TSPAN11: variants seen among roughly 807,000 people sequenced by gnomAD.
TSPAN11 encodes the protein tetraspanin 11.
TSPAN11 carries 29 observed loss-of-function variants against 32.9 expected under a neutral mutation model. That is an observed-to-expected ratio of 0.88 (90% CI 0.66 to 1.20). TSPAN11 has a LOEUF of 1.20. Ranked by LOEUF, TSPAN11 falls within the 50% of genes most tolerant of loss-of-function variation. The probability of loss-of-function intolerance (pLI) is 0.00; values close to 1 mark genes in which losing one functional copy is unlikely to be tolerated. For synonymous variants in TSPAN11, 140 were observed against 141.3 expected (o/e 0.99, Z 0.07); for missense variants, 283 against 329.1 (o/e 0.86, Z 1.08).
chr12:31,015,125 C>T, the TSPAN11 span, among the ~76,000 whole-genome samples: 22 of 152,308 alleles, frequency 1.4e-4, no homozygotes, highest in Admixed American at 1.3e-3. This position sits in a 1 kb window ranked among gnomAD's most constrained non-coding sequence, Gnocchi z 4.9. Context: ...CTGTGCCATC[C>T]ATGTTCATCA....
At chr12:30,999,549 T>C (rs1939458666), downstream of TSPAN11, among the ~76,000 whole-genome samples, 1 of 150,970 alleles carries the variant, frequency 6.6e-6, no homozygotes, top group African/African-American at 2.4e-5. Flanking sequence ...GAATGTCTCA[T>C]GTAATTTATT....
chr12:30,941,604 C>G (rs1938165603), intron 1 of TSPAN11, among the ~76,000 whole-genome samples: 3 of 152,178 alleles, frequency 2.0e-5, no homozygotes, highest in Admixed American at 1.3e-4. Context: ...CCTAGCCCCC[C>G]TTAAGTTACA....
intron 7 of TSPAN11, among the ~76,000 whole-genome samples, chr12:30,989,885 ACACAGGCAG>A: frequency 6.6e-6 from 1 of 152,174 alleles, no homozygotes; most frequent in Non-Finnish European, 1.5e-5. Flanking sequence ...CAAGTGTCAC[ACACAGGCAG>A]CTGCCAGAAG....
chr12:30,986,089 T>C (rs898584487), intron 7 of TSPAN11, among the ~76,000 whole-genome samples: 2 of 152,150 alleles, frequency 1.3e-5, no homozygotes, highest in Non-Finnish European at 2.9e-5. Flanking sequence ...CATACCAGTC[T>C]CTTCCCCAGG....
At chr12:30,974,786 G>A (rs145970600) in intron 3 of TSPAN11, among the ~76,000 whole-genome samples, 82 of 152,322 alleles carry the variant, frequency 5.4e-4, no homozygotes, top group African/African-American at 1.7e-3. Flanking sequence ...TCACTCATCC[G>A]GTGATGACCT....
At position 30,995,980 on chromosome 12, in the gene TSPAN11, T is replaced by C. The variant is rs1176048717; in HGVS notation, c.*4065T>C. ...TACATGTCACAACGCTCAGGGTCCA[T>C]GAGTACCTCAGGCTGTCCAGCTGAG... On this transcript the variant is annotated 3_prime_UTR_variant, in exon 8 of 8. Coordinates refer to ENST00000546076, the MANE Select transcript of TSPAN11 (RefSeq NM_001370302.1). 1 of 152,258 alleles carries C rather than the reference T, an allele frequency of 6.6e-6. No individual in the cohort carries two copies. The highest frequency in any genetic ancestry group is 1.5e-5 in the Non-Finnish European group (1 of 68,068). 9.4% of individuals were successfully genotyped at this position (152,258 alleles called of 1,614,324 possible). A position where few individuals can be genotyped will look rare whatever the true frequency, so the allele number is the denominator to read the frequency against.
chr12:30,939,936 A>G (rs980137551), intron 1 of TSPAN11, among the ~76,000 whole-genome samples: 4 of 152,220 alleles, frequency 2.6e-5, no homozygotes, highest in Non-Finnish European at 4.4e-5. Flanking sequence ...TACAATGGAC[A>G]TAGGTCTGTA....
Position 30,995,642 on chromosome 12 carries a change from A to C in TSPAN11, c.*3727A>C, listed in dbSNP as rs923553267. 4 of 152,034 alleles carry C rather than the reference A, an allele frequency of 2.6e-5. No homozygotes were observed. Among genetic ancestry groups the C allele is most frequent in the Non-Finnish European group, 5.9e-5 (4 of 68,028 alleles). The allele number at this position is 152,034 out of a possible 1,614,324, so 9.4% of individuals were successfully genotyped here. A position where few individuals can be genotyped will look rare whatever the true frequency, so the allele number is the denominator to read the frequency against. ...GGGACAGTCACTGTCATCACCACCC[A>C]CCCTGTCACCCACCTGGAAAACATT... On this transcript the variant is annotated 3_prime_UTR_variant, in exon 8 of 8. Transcript: ENST00000546076.
At chr12:30,960,334 C>T (rs142025273) in intron 2 of TSPAN11, among the ~76,000 whole-genome samples, 54 of 152,036 alleles carry the variant, frequency 3.6e-4, no homozygotes, top group African/African-American at 1.2e-3. Flanking sequence ...GTGCATTTCC[C>T]GCATCCTGAG....
rs1939367191 is a variant in TSPAN11 at position 30,993,942 on chromosome 12, G to A, written c.*2027G>A. 1 of 152,280 alleles carries A rather than the reference G, an allele frequency of 6.6e-6. No individual in the cohort carries two copies. Among genetic ancestry groups the A allele is most frequent in the African/African-American group, 2.4e-5 (1 of 41,460 alleles). The allele number at this position is 152,280 out of a possible 1,614,324, so 9.4% of individuals were successfully genotyped here. On this transcript the variant is annotated 3_prime_UTR_variant, in exon 8 of 8. Coordinates refer to ENST00000546076, the MANE Select transcript of TSPAN11 (RefSeq NM_001370302.1). Reference sequence around the variant, plus strand: ...GTGCACAGCCTTATCATTGAAGGCAGGCCCAGGACAGCCTGCCCCATCTGC... The same window carrying A: ...GTGCACAGCCTTATCATTGAAGGCAAGCCCAGGACAGCCTGCCCCATCTGC...
At chr12:30,964,333 TCTC>T (rs1341634629) in intron 3 of TSPAN11, among the ~76,000 whole-genome samples, 2 of 151,398 alleles carry the variant, frequency 1.3e-5, no homozygotes, top group Admixed American at 6.6e-5. Flanking sequence ...GTCCTCTCCT[TCTC>T]CTTCTCCTAT....
Position 30,928,822 on chromosome 12 carries a change from A to G in TSPAN11, c.-12+2026A>G, listed in dbSNP as rs149298854. On this transcript the variant is annotated intron_variant, in intron 1 of 7. Coordinates refer to ENST00000546076, the MANE Select transcript of TSPAN11 (RefSeq NM_001370302.1). ...GTAGCCACCTCCCAGCCATGATCACATCATTGTTCCTTCCTAGCACTTGCG... is the reference window on the plus strand; with the variant it reads ...GTAGCCACCTCCCAGCCATGATCACGTCATTGTTCCTTCCTAGCACTTGCG... 6.8e-4 allele frequency among the ~76,000 whole-genome samples: 104 copies of G among 152,248 alleles called. 1 individual carries two copies. Among genetic ancestry groups the G allele is most frequent in the African/African-American group, 2.3e-3 (96 of 41,530 alleles).
At chr12:30,939,076 A>C (rs1194158373) in intron 1 of TSPAN11, among the ~76,000 whole-genome samples, 1 of 152,040 alleles carries the variant, frequency 6.6e-6, no homozygotes, top group Non-Finnish European at 1.5e-5. Flanking sequence ...TACTAAAAAT[A>C]CAAAAATTAG....
intron 3 of TSPAN11, among the ~76,000 whole-genome samples, chr12:30,968,680 T>C (rs904348381): frequency 5.9e-5 from 9 of 152,200 alleles, no homozygotes; most frequent in Admixed American, 5.2e-4. Flanking sequence ...ATGAAGATCA[T>C]GGTGGATGAT....
chr12:30,983,039 C>T lies in TSPAN11; in HGVS notation c.616-25C>T, dbSNP rs767984848. 1.2e-5 allele frequency: 20 copies of T among 1,607,254 alleles called. 1 individual carries two copies. Among genetic ancestry groups the T allele is most frequent in the South Asian group, 1.0e-4 (9 of 89,504 alleles). On this transcript the variant is annotated intron_variant, in intron 6 of 7. Transcript: ENST00000546076. ...CCCATGCCTGCTCCTGGGCCATGGC[C>T]GCATCACCTGCCCTTCTCTTACAGG...
intron 3 of TSPAN11, among the ~76,000 whole-genome samples, chr12:30,965,811 T>C (rs952762869): frequency 3.9e-5 from 6 of 152,078 alleles, no homozygotes; most frequent in African/African-American, 1.4e-4. Flanking sequence ...CACCTTGCAG[T>C]TGTGTTCTTT....
At chr12:30,982,417 C>A in intron 5 of TSPAN11, 115 bp from the exon 6 acceptor site, 1 of 1,420,344 alleles carries the variant, frequency 7.0e-7, no homozygotes, top group South Asian at 1.4e-5. Flanking sequence ...TACTAACTAA[C>A]CATGGTTCGG....
At chr12:30,933,599 G>T (rs957074615) in intron 1 of TSPAN11, among the ~76,000 whole-genome samples, 8 of 152,172 alleles carry the variant, frequency 5.3e-5, no homozygotes, top group African/African-American at 1.7e-4. Context: ...AAGCTCATGG[G>T]TGTCCTCTGC....
intron 7 of TSPAN11, among the ~76,000 whole-genome samples, chr12:30,985,488 C>T (rs1939183249): frequency 6.6e-6 from 1 of 152,178 alleles, no homozygotes; most frequent in African/African-American, 2.4e-5. Context: ...TGAGCATTGC[C>T]CCTCTATTGC....
Sources: gnomAD v4.1 joint callset for allele counts (sites outside exome capture counted in the v4.1 genomes callset) on GRCh38, gnomAD v4.1.1 for gene constraint, Gnocchi (gnomAD v3.1) non-coding constraint, MANE v1.5 for transcripts, NCBI Gene and HGNC (gene_info 2026-07-23, HGNC 2026-07-21) for gene names.